Variants in FRAS1 observed in about 807,000 individuals in gnomAD.
The protein encoded by FRAS1 is Fraser extracellular matrix complex subunit 1.
FRAS1 carries 290 observed loss-of-function variants against 435.2 expected under a neutral mutation model. The ratio of observed to expected loss-of-function variants is 0.67; its 90% CI spans 0.61 to 0.73. The LOEUF is 0.73. Ranked by LOEUF, FRAS1 falls within the 30% of genes least tolerant of loss-of-function variation. FRAS1 has a pLI of 0.00. For missense variants in FRAS1, 4,860 were observed against 5,001.5 expected (o/e 0.97, Z 0.85); for synonymous variants, 1,800 against 1,851.0 (o/e 0.97, Z 0.71).
chr4:78,067,708 A>ATTG (rs1553915741), intron 2 of FRAS1, among the ~76,000 whole-genome samples: 16,572 of 135,596 alleles, frequency 0.12, 1,114 homozygotes, highest in East Asian at 0.18. Context: ...TATTATTATT[A>ATTG]TTATTTGTAA....
intron 47 of FRAS1, among the ~76,000 whole-genome samples, chr4:78,457,781 A>G (rs1496580): frequency 6.6e-6 from 1 of 151,890 alleles, no homozygotes; most frequent in Non-Finnish European, 1.5e-5. Context: ...TCCACTTTCT[A>G]CTTTGTACTC....
chr4:78,188,279 G>GTCTGTCTATCTA (rs1389168153), intron 2 of FRAS1, among the ~76,000 whole-genome samples: 2 of 25,584 alleles, frequency 7.8e-5, no homozygotes, highest in African/African-American at 1.5e-4. Context: ...CTATCTGTCT[G>GTCTGTCTATCTA]TCTATCTATC....
At chr4:78,531,994 T>G (rs1721730536) in intron 70 of FRAS1, among the ~76,000 whole-genome samples, 1 of 152,222 alleles carries the variant, frequency 6.6e-6, no homozygotes, top group South Asian at 2.1e-4. Context: ...ACCATTATCA[T>G]CACTTGTCTA....
At chr4:78,306,648 A>C (rs1270154763) in intron 14 of FRAS1, among the ~76,000 whole-genome samples, 1 of 148,184 alleles carries the variant, frequency 6.7e-6, no homozygotes, top group African/African-American at 2.5e-5. Context: ...CTTCCAGTTG[A>C]TCGCATCGGC....
intron 15 of FRAS1, among the ~76,000 whole-genome samples, chr4:78,309,271 T>C (rs1186902562): frequency 1.3e-5 from 2 of 152,234 alleles, no homozygotes; most frequent in Non-Finnish European, 2.9e-5. Context: ...TTCTAACTTC[T>C]AGAACTATAA....
chr4:78,263,375 G>A (rs973481816), intron 6 of FRAS1, among the ~76,000 whole-genome samples: 1 of 152,198 alleles, frequency 6.6e-6, no homozygotes, highest in Non-Finnish European at 1.5e-5. Context: ...TTGCCAATAA[G>A]ATTTGGAAAG....
At chr4:78,224,787 G>A (rs1049243614) in intron 2 of FRAS1, among the ~76,000 whole-genome samples, 5 of 152,050 alleles carry the variant, frequency 3.3e-5, no homozygotes, top group East Asian at 1.9e-4. Flanking sequence ...CTCCCTCAGC[G>A]TCCCAAAGTG....
chr4:78,315,778 A>G (rs1406941724), intron 16 of FRAS1, 44 bp downstream of exon 16: 3 of 1,605,644 alleles, frequency 1.9e-6, no homozygotes, highest in Admixed American at 3.3e-5. Context: ...AGTATTGAGT[A>G]CATGTTTGAC....
intron 59 of FRAS1, among the ~76,000 whole-genome samples, chr4:78,493,614 A>C (rs917034633): frequency 6.6e-6 from 1 of 152,016 alleles, no homozygotes; most frequent in Non-Finnish European, 1.5e-5. Context: ...ATGAGAACAC[A>C]TGGACCCAGG....
chr4:78,278,859 G>C, intron 10 of FRAS1, 115 bp downstream of exon 10: 3 of 681,498 alleles, frequency 4.4e-6, no homozygotes, highest in Non-Finnish European at 7.7e-6. Flanking sequence ...AAATGTTATT[G>C]TGCACCTACT....
chr4:78,454,849 G>A (rs1428443355), intron 47 of FRAS1, among the ~76,000 whole-genome samples: 3 of 152,134 alleles, frequency 2.0e-5, no homozygotes, highest in Admixed American at 1.3e-4. Flanking sequence ...GCCTTTCCTG[G>A]GCTTAAAATC....
At chr4:78,513,285 A>T (rs935224357) in intron 64 of FRAS1, 107 bp from the exon 65 acceptor site, 1 of 1,124,952 alleles carries the variant, frequency 8.9e-7, no homozygotes, top group East Asian at 2.4e-5. Context: ...AAGAAAAAAA[A>T]ATGGTAGCTC....
intron 20 of FRAS1, among the ~76,000 whole-genome samples, chr4:78,358,067 A>C (rs975451684): frequency 6.6e-6 from 1 of 152,146 alleles, no homozygotes; most frequent in Non-Finnish European, 1.5e-5. Flanking sequence ...GAACTCACTG[A>C]TTGACACCTC....
At chr4:78,135,802 G>A (rs1719894024) in intron 2 of FRAS1, among the ~76,000 whole-genome samples, 1 of 152,130 alleles carries the variant, frequency 6.6e-6, no homozygotes, top group Admixed American at 6.5e-5. Flanking sequence ...AACTGTATGT[G>A]GAAGTCCGGA....
chr4:78,508,920 G>A lies in FRAS1; in HGVS notation c.9694G>A (p.Val3232Met), dbSNP rs775153716. 20 of 1,613,866 alleles carry A rather than the reference G, an allele frequency of 1.2e-5. No individual in the cohort carries two copies. Among genetic ancestry groups the A allele is most frequent in the South Asian group, 5.5e-5 (5 of 91,088 alleles). ...GACATCTGTGCAGTTCAGCTGGGAA[G>A]TGGCTGCCCCCACTGATGGCAATGG... ...NQTSVQFSWE[V>M]AAPTDGNGAR... Residue 3232 changes from valine (V) to methionine (M), a missense_variant, in exon 63 of 74, where the codon GTG becomes ATG. Transcript: ENST00000512123.
intron 2 of FRAS1, among the ~76,000 whole-genome samples, chr4:78,226,645 T>C (rs772628074): frequency 5.3e-5 from 8 of 152,122 alleles, no homozygotes; most frequent in Non-Finnish European, 8.8e-5. Flanking sequence ...AGCAGTCTTA[T>C]TCTGAAGTGC....
At chr4:78,317,240 A>G in intron 16 of FRAS1, 128 bp from the exon 17 acceptor site, 1 of 1,053,006 alleles carries the variant, frequency 9.5e-7, no homozygotes, top group Non-Finnish European at 1.4e-6. Flanking sequence ...CTCCTAACAC[A>G]TTTTCCCCTT....
chr4:78,452,408 T>G (rs1719054634), intron 47 of FRAS1, 54 bp downstream of exon 47: 8 of 1,377,284 alleles, frequency 5.8e-6, no homozygotes, highest in Admixed American at 4.8e-5. Context: ...TTAGTAAGTA[T>G]TGAGGGCAGC....
intron 14 of FRAS1, among the ~76,000 whole-genome samples, chr4:78,307,123 A>C (rs568125221): frequency 4.4e-4 from 67 of 152,108 alleles, no homozygotes; most frequent in Middle Eastern, 6.8e-3. Context: ...AGTACCCGGC[A>C]CTGTGAGGTG....
Sources: gnomAD v4.1 joint callset for allele counts (sites outside exome capture counted in the v4.1 genomes callset) on GRCh38, gnomAD v4.1.1 for gene constraint, MANE v1.5 for transcripts, NCBI Gene and HGNC (gene_info 2026-07-23, HGNC 2026-07-21) for gene names.